CLINT1: variants seen among roughly 807,000 people sequenced by gnomAD.
The protein encoded by CLINT1 is clathrin interacting protein localized in the trans-Golgi region.
CLINT1 carries 15 observed loss-of-function variants against 70.4 expected under a neutral mutation model. That is an observed-to-expected ratio of 0.21 (90% confidence interval 0.14 to 0.33). The LOEUF (loss-of-function observed/expected upper bound fraction) is 0.33, where lower values mean the gene tolerates loss of function less well. CLINT1 is among the 10% of genes least tolerant of loss of function. The pLI is 1.00. For missense variants in CLINT1, 615 were observed against 778.1 expected (o/e 0.79, Z 2.49); for synonymous variants, 227 against 254.7 (o/e 0.89, Z 1.04).
intron 8 of CLINT1, among the ~76,000 whole-genome samples, chr5:157,802,365 C>A (rs1159560154): frequency 6.6e-6 from 1 of 152,118 alleles, no homozygotes; most frequent in Non-Finnish European, 1.5e-5. Context: ...ACACGTCACA[C>A]AATAGTTTAT....
chr5:157,819,138 TC>T (rs1273396972), intron 1 of CLINT1, among the ~76,000 whole-genome samples: 1 of 152,174 alleles, frequency 6.6e-6, no homozygotes, highest in African/African-American at 2.4e-5. Flanking sequence ...TACAAACACT[TC>T]AATTTCTTCA....
At chr5:157,798,876 C>A (rs931369759) in intron 8 of CLINT1, among the ~76,000 whole-genome samples, 2 of 151,960 alleles carry the variant, frequency 1.3e-5, no homozygotes, top group African/African-American at 4.8e-5. Flanking sequence ...AATATAGCCA[C>A]CCAATGTAAG....
chr5:157,834,473 T>C (rs1763351736), intron 1 of CLINT1, among the ~76,000 whole-genome samples: 1 of 152,184 alleles, frequency 6.6e-6, no homozygotes. Flanking sequence ...ATAGCTTCTT[T>C]AGGACTATAA....
At chr5:157,825,278 C>T (rs541612022) in intron 1 of CLINT1, among the ~76,000 whole-genome samples, 2 of 152,206 alleles carry the variant, frequency 1.3e-5, no homozygotes, top group South Asian at 4.1e-4. Context: ...GATTATGCAT[C>T]TTCTGTTTTC....
At chr5:157,793,194 T>C (rs936977879) in intron 9 of CLINT1, among the ~76,000 whole-genome samples, 3 of 151,798 alleles carry the variant, frequency 2.0e-5, no homozygotes, top group Non-Finnish European at 4.4e-5. Context: ...CTCAGGGTTT[T>C]ACTAATACAC....
intron 10 of CLINT1, 70 bp downstream of exon 10, chr5:157,791,633 C>G (rs1761908227): frequency 2.9e-6 from 4 of 1,385,358 alleles, no homozygotes; most frequent in Non-Finnish European, 4.0e-6. Context: ...TTATACTAAT[C>G]TATCATTCAA....
At chr5:157,790,864 G>C (rs956609883) in intron 10 of CLINT1, among the ~76,000 whole-genome samples, 1 of 152,144 alleles carries the variant, frequency 6.6e-6, no homozygotes, top group Non-Finnish European at 1.5e-5. Context: ...AATGAAAGTT[G>C]AAAGATGAGC....
At chr5:157,811,344 C>A (rs1394011288) in intron 5 of CLINT1, among the ~76,000 whole-genome samples, 3 of 152,064 alleles carry the variant, frequency 2.0e-5, no homozygotes, top group Non-Finnish European at 4.4e-5. Context: ...GAGTTCAAGA[C>A]CAGCCTGGCC....
At chr5:157,842,583 T>C (rs1753223834) in intron 1 of CLINT1, among the ~76,000 whole-genome samples, 1 of 152,224 alleles carries the variant, frequency 6.6e-6, no homozygotes, top group Non-Finnish European at 1.5e-5. Context: ...ATCCCACTTA[T>C]TAGAAAAACT....
In CLINT1 at chr5:157,847,635, TGTG is replaced by T. The variant is rs1753429306; in HGVS notation, c.41+11292_41+11294del. On this transcript the variant is annotated intron_variant, in intron 1 of 11. Transcript: ENST00000411809. Reference sequence around the variant, plus strand: ...CTTCAGTGACGGACGTCACTGCAGATGTGGTGAGAACAGCAAGAAAACTAGAAT... The same window carrying T: ...CTTCAGTGACGGACGTCACTGCAGATGTGAGAACAGCAAGAAAACTAGAAT... Among the ~76,000 whole-genome samples the T allele has an allele frequency of 2.0e-5, 3 of 152,042 alleles. No individual in the cohort carries two copies. The South Asian group carries it at 6.2e-4, about 32-fold the overall frequency.
intron 1 of CLINT1, among the ~76,000 whole-genome samples, chr5:157,820,583 C>A (rs1344530739): frequency 6.6e-6 from 1 of 152,126 alleles, no homozygotes; most frequent in African/African-American, 2.4e-5. Flanking sequence ...TATGGTTTGG[C>A]CTTATTCCAG....
chr5:157,814,129 G>T, intron 4 of CLINT1, 56 bp downstream of exon 4: 1 of 1,123,528 alleles, frequency 8.9e-7, no homozygotes, highest in South Asian at 1.3e-5. Flanking sequence ...TGGTTCAGGT[G>T]ACTGACAACT....
At chr5:157,846,207 C>A (rs1753372501) in intron 1 of CLINT1, among the ~76,000 whole-genome samples, 2 of 152,212 alleles carry the variant, frequency 1.3e-5, no homozygotes, top group Admixed American at 1.3e-4. Flanking sequence ...AAAGCTGAGA[C>A]AGGCTAAAAG....
At chr5:157,801,502 G>A (rs1019451056) in intron 8 of CLINT1, among the ~76,000 whole-genome samples, 4 of 149,556 alleles carry the variant, frequency 2.7e-5, no homozygotes, top group Non-Finnish European at 4.4e-5. Flanking sequence ...GCGAAACTCT[G>A]TCTCAAAAAA....
chr5:157,792,159 G>A (rs934210898), intron 9 of CLINT1, among the ~76,000 whole-genome samples, 164 bp from the exon 10 acceptor site: 2 of 152,056 alleles, frequency 1.3e-5, no homozygotes, highest in Admixed American at 6.6e-5. Flanking sequence ...AATATTACAC[G>A]AGAGTTAACA....
intron 8 of CLINT1, chr5:157,796,287 TA>T (rs1762065126): frequency 6.6e-6 from 1 of 152,242 alleles, no homozygotes; most frequent in Admixed American, 6.5e-5. Context: ...CATTCTGACA[TA>T]AAATTTTATT....
At chr5:157,851,547 G>C (rs1753574673) in intron 1 of CLINT1, among the ~76,000 whole-genome samples, 1 of 151,934 alleles carries the variant, frequency 6.6e-6, no homozygotes, top group South Asian at 2.1e-4. Flanking sequence ...AATTAGCTGG[G>C]TGTTGTGACA....
chr5:157,835,629 T>C (rs1350910122), intron 1 of CLINT1, among the ~76,000 whole-genome samples: 1 of 151,874 alleles, frequency 6.6e-6, no homozygotes, highest in Non-Finnish European at 1.5e-5. Flanking sequence ...CTCCATGATA[T>C]CTTGGGAACA....
At chr5:157,853,613 C>T (rs987169394) in intron 1 of CLINT1, among the ~76,000 whole-genome samples, 10 of 151,244 alleles carry the variant, frequency 6.6e-5, no homozygotes, top group Non-Finnish European at 1.3e-4. Context: ...CTCGTCTCTA[C>T]TAAAATTACA....
Sources: gnomAD v4.1 joint callset for allele counts (sites outside exome capture counted in the v4.1 genomes callset) on GRCh38, gnomAD v4.1.1 for gene constraint, MANE v1.5 for transcripts, NCBI Gene and HGNC (gene_info 2026-07-23, HGNC 2026-07-21) for gene names.